The following MXI1 variants were observed in gnomAD, a reference collection of about 807,000 sequenced individuals.
MXI1 encodes MAX interactor 1, dimerization protein, also known as max-interacting protein 1.
A neutral mutation model predicts 36.9 loss-of-function variants in MXI1; 18 were observed. The ratio of observed to expected loss-of-function variants is 0.49; its 90% CI spans 0.34 to 0.72. The LOEUF (loss-of-function observed/expected upper bound fraction) is 0.72, where lower values mean the gene tolerates loss of function less well. MXI1 is among the 30% of genes least tolerant of loss of function. The pLI is 0.01. For synonymous variants in MXI1, 160 were observed against 146.7 expected (o/e 1.09, Z -0.65); for missense variants, 304 against 379.1 (o/e 0.80, Z 1.64).
chr10:110,235,972 A>T (rs1221659287), intron 2 of MXI1, among the ~76,000 whole-genome samples: 1 of 152,034 alleles, frequency 6.6e-6, no homozygotes, highest in Non-Finnish European at 1.5e-5. Flanking sequence ...ATGCTACTGC[A>T]CTCCAGCCTG....
chr10:110,239,147 T>A (rs1323908566), intron 2 of MXI1, among the ~76,000 whole-genome samples: 1 of 152,228 alleles, frequency 6.6e-6, no homozygotes, highest in Admixed American at 6.5e-5. Context: ...TGGGGTCAGA[T>A]AATTCTGTTT....
intron 1 of MXI1, among the ~76,000 whole-genome samples, chr10:110,209,096 C>T (rs1336077518): frequency 7.6e-6 from 1 of 131,132 alleles, no homozygotes; most frequent in African/African-American, 2.9e-5. Flanking sequence ...TTATTTGTTT[C>T]ATTTTTGCCC....
At chr10:110,273,886 G>A (rs1435229891) in intron 3 of MXI1, among the ~76,000 whole-genome samples, 1 of 152,200 alleles carries the variant, frequency 6.6e-6, no homozygotes, top group African/African-American at 2.4e-5. Context: ...CCAGGCGGGG[G>A]TTAGATCTAT....
intron 3 of MXI1, among the ~76,000 whole-genome samples, chr10:110,270,067 G>T (rs1856807141): frequency 6.6e-6 from 1 of 152,196 alleles, no homozygotes; most frequent in Admixed American, 6.5e-5. Flanking sequence ...TTCAGAGCCT[G>T]ATCTCTCTAG....
At chr10:110,220,477 A>G (rs11195033) in intron 1 of MXI1, among the ~76,000 whole-genome samples, 82,119 of 152,088 alleles carry the variant, frequency 0.54, 25,957 homozygotes, top group African/African-American at 0.85. Flanking sequence ...GATACAAGGC[A>G]GCAGGAGCTG....
Position 110,268,394 on chromosome 10 carries a change from T to A in MXI1, c.438-10786T>A, listed in dbSNP as rs540130076. 3.9e-5 allele frequency among the ~76,000 whole-genome samples: 6 copies of A among 152,088 alleles called. No homozygotes were observed. In the South Asian group the frequency reaches 1.2e-3, roughly 32 times the overall value. On this transcript the variant is annotated intron_variant, in intron 3 of 5. Coordinates refer to ENST00000332674, the MANE Select transcript of MXI1 (RefSeq NM_130439.3). ...TTTCCTGGGCTTTTCTAGAGGAGAG[T>A]CAAACTAAGATTTAGACAAATATAA...
chr10:110,209,642 A>G (rs992711980), intron 1 of MXI1, among the ~76,000 whole-genome samples: 17 of 152,308 alleles, frequency 1.1e-4, no homozygotes, highest in African/African-American at 4.1e-4. Context: ...TCGCTTCGCA[A>G]TTATTCATGC....
At chr10:110,219,095 T>A (rs1854729970) in intron 1 of MXI1, among the ~76,000 whole-genome samples, 1 of 151,998 alleles carries the variant, frequency 6.6e-6, no homozygotes, top group South Asian at 2.1e-4. Context: ...AGGTCAGGAG[T>A]TCGAGACCAG....
At chr10:110,231,063 T>C (rs929441845) in intron 2 of MXI1, among the ~76,000 whole-genome samples, 18 of 152,180 alleles carry the variant, frequency 1.2e-4, no homozygotes, top group African/African-American at 4.3e-4. Flanking sequence ...TTATATGATA[T>C]GCCTGATAAA....
At chr10:110,212,889 G>A (rs1590321779) in intron 1 of MXI1, among the ~76,000 whole-genome samples, 1 of 152,178 alleles carries the variant, frequency 6.6e-6, no homozygotes, top group African/African-American at 2.4e-5. Flanking sequence ...TTTACAAGGA[G>A]TTTATTAGTA....
chr10:110,215,882 G>A (rs1419755921), intron 1 of MXI1, among the ~76,000 whole-genome samples: 1 of 152,084 alleles, frequency 6.6e-6, no homozygotes, highest in East Asian at 1.9e-4. Context: ...AGAAAAAAAA[G>A]AGAGGGAGGG....
chr10:110,208,094 G>A lies in MXI1; in HGVS notation c.274+12G>A. The A allele has an allele frequency of 2.5e-6, 4 of 1,574,332 alleles. No individual in the cohort carries two copies. Among genetic ancestry groups the A allele is most frequent in the East Asian group, 2.5e-5 (1 of 40,062 alleles). On this transcript the variant is annotated intron_variant, in intron 1 of 5. Transcript: ENST00000332674. ...GAAAGAAAACAAAAGTAAGTTTGGG[G>A]GCCCCTGCTCTTCCTCGGCGCCCGG...
At chr10:110,236,121 G>GTTTT (rs1855459902) in intron 2 of MXI1, among the ~76,000 whole-genome samples, 1 of 67,874 alleles carries the variant, frequency 1.5e-5, no homozygotes, top group Non-Finnish European at 2.8e-5. Context: ...AAAGGTTGAA[G>GTTTT]TTCTTTTTTT....
intron 1 of MXI1, among the ~76,000 whole-genome samples, chr10:110,221,170 G>A (rs1259235554): frequency 6.6e-6 from 1 of 152,196 alleles, no homozygotes; most frequent in East Asian, 1.9e-4. Flanking sequence ...GGATCCTTTG[G>A]GAATGCAACT....
intron 3 of MXI1, among the ~76,000 whole-genome samples, chr10:110,278,799 T>TGGG (rs2134469416): frequency 6.6e-6 from 1 of 152,168 alleles, no homozygotes; most frequent in East Asian, 1.9e-4. Flanking sequence ...TATATTCCCT[T>TGGG]GGGGTACCAT....
rs141964073 is a variant in MXI1, at chr10:110,207,935, G to T, written c.127G>T (p.Ala43Ser). ...GCCCCCGGCCCTGCCCGAGGACCCC[G>T]CTGGGGCCAAGCCCAGGTGCCCCTT... ...PQPPALPEDP[A>S]GAKPRCPFSD... The change falls in exon 1 of 6, where the codon GCT becomes TCT. Residue 43 changes from alanine to serine, a missense_variant. Coordinates refer to ENST00000332674, the MANE Select transcript of MXI1 (RefSeq NM_130439.3). 2 of 1,559,498 alleles carry T rather than the reference G, an allele frequency of 1.3e-6. No homozygotes were observed. Among genetic ancestry groups the T allele is most frequent in the Non-Finnish European group, 1.7e-6 (2 of 1,153,518 alleles).
chr10:110,209,921 C>T (rs1485578264), intron 1 of MXI1, among the ~76,000 whole-genome samples: 1 of 151,572 alleles, frequency 6.6e-6, no homozygotes, highest in Non-Finnish European at 1.5e-5. Flanking sequence ...GCTTGCCCCC[C>T]TACCCCAGCC....
chr10:110,219,569 A>T (rs1854744772), intron 1 of MXI1, among the ~76,000 whole-genome samples: 1 of 152,110 alleles, frequency 6.6e-6, no homozygotes, highest in South Asian at 2.1e-4. Context: ...GTGCTCCTTA[A>T]AGTTTGAGAA....
chr10:110,251,021 A>G (rs1410863851), intron 3 of MXI1, among the ~76,000 whole-genome samples: 1 of 93,922 alleles, frequency 1.1e-5, no homozygotes, highest in Non-Finnish European at 2.1e-5. Flanking sequence ...AAAAAAAAAA[A>G]AAAAAAAAAA....
Sources: gnomAD v4.1 joint callset for allele counts (sites outside exome capture counted in the v4.1 genomes callset) on GRCh38, gnomAD v4.1.1 for gene constraint, MANE v1.5 for transcripts, NCBI Gene and HGNC (gene_info 2026-07-23, HGNC 2026-07-21) for gene names.